The following CNTNAP2 variants were observed in gnomAD, a reference collection of about 807,000 sequenced individuals.
CNTNAP2 encodes the protein contactin associated protein 2.
A neutral mutation model predicts 155.2 loss-of-function variants in CNTNAP2; 98 were observed. That is an observed-to-expected ratio of 0.63 (90% CI 0.54 to 0.75). The LOEUF (loss-of-function observed/expected upper bound fraction) is 0.75. Ranked by LOEUF, CNTNAP2 falls within the 30% of genes least tolerant of loss-of-function variation. The probability of loss-of-function intolerance (pLI) is 0.00; values close to 1 mark genes in which losing one functional copy is unlikely to be tolerated. For synonymous variants in CNTNAP2, 651 were observed against 631.2 expected, an observed-to-expected ratio of 1.03 and a Z score of -0.47; for missense variants, 1,727 against 1,688.1, an observed-to-expected ratio of 1.02 and a Z score of -0.40.
intron 4 of CNTNAP2, among the ~76,000 whole-genome samples, chr7:147,083,856 T>C (rs184972537): frequency 4.3e-5 from 6 of 141,060 alleles, no homozygotes; most frequent in African/African-American, 1.3e-4. Context: ...TATATACATA[T>C]ACACATGTAT....
chr7:147,481,477 A>C (rs1798422020), intron 10 of CNTNAP2, among the ~76,000 whole-genome samples: 1 of 152,218 alleles, frequency 6.6e-6, no homozygotes, highest in African/African-American at 2.4e-5. Context: ...CCCTGGATTG[A>C]ATTGCAACAT....
At chr7:148,379,345 A>T (rs1215824329) in intron 21 of CNTNAP2, among the ~76,000 whole-genome samples, 1 of 152,162 alleles carries the variant, frequency 6.6e-6, no homozygotes, top group East Asian at 1.9e-4. Context: ...CACAAGAAGA[A>T]GATATAGGTG....
chr7:146,489,266 A>T (rs534022632), intron 1 of CNTNAP2, among the ~76,000 whole-genome samples: 1 of 152,298 alleles, frequency 6.6e-6, no homozygotes, highest in South Asian at 2.1e-4. Flanking sequence ...TGCCTTCATG[A>T]TCCTCAGTCT....
At chr7:147,605,173 C>T (rs1801037006) in intron 12 of CNTNAP2, among the ~76,000 whole-genome samples, 1 of 152,108 alleles carries the variant, frequency 6.6e-6, no homozygotes, top group Admixed American at 6.6e-5. Flanking sequence ...GATCATTTAG[C>T]ATTAATTATT....
intron 18 of CNTNAP2, among the ~76,000 whole-genome samples, chr7:148,208,371 C>T (rs972068362): frequency 6.6e-6 from 1 of 152,074 alleles, no homozygotes; most frequent in African/African-American, 2.4e-5. Flanking sequence ...AAGAACAAGG[C>T]GGAGTTTCCC....
At position 146,454,181 on chromosome 7, in the gene CNTNAP2, T is replaced by G. The variant is rs187474369; in HGVS notation, c.98-320090T>G. Reference sequence around the variant, plus strand: ...ATAGTGACATACACAAAATGGCTGCTTATTCTATACTAGTAGATTCATTTT... The same window carrying G: ...ATAGTGACATACACAAAATGGCTGCGTATTCTATACTAGTAGATTCATTTT... On this transcript the variant is annotated intron_variant, in intron 1 of 23. Transcript: ENST00000361727. Among the ~76,000 whole-genome samples the G allele has an allele frequency of 3.0e-4, 45 of 152,344 alleles. 1 individual carries two copies. The highest frequency in any genetic ancestry group is 2.9e-3 in the Admixed American group (45 of 15,302).
At chr7:147,235,345 G>GGGGT (rs374435627) in intron 8 of CNTNAP2, among the ~76,000 whole-genome samples, 7 of 140,974 alleles carry the variant, frequency 5.0e-5, no homozygotes, top group African/African-American at 1.1e-4. Context: ...TGGAGTTTTT[G>GGGGT]GTGTGTGTGT....
At chr7:147,298,215 G>A (rs1794873504) in intron 8 of CNTNAP2, among the ~76,000 whole-genome samples, 1 of 152,026 alleles carries the variant, frequency 6.6e-6, no homozygotes, top group East Asian at 1.9e-4. Flanking sequence ...GATCACTTGA[G>A]GTCAGGAGTT....
intron 3 of CNTNAP2, among the ~76,000 whole-genome samples, chr7:146,927,503 A>G (rs1001322137): frequency 6.7e-5 from 10 of 149,716 alleles, no homozygotes; most frequent in African/African-American, 2.6e-4. Flanking sequence ...GATTAACTTT[A>G]AAACATAATG....
intron 7 of CNTNAP2, among the ~76,000 whole-genome samples, chr7:147,131,150 A>C (rs1315973289): frequency 6.7e-6 from 1 of 149,024 alleles, no homozygotes; most frequent in African/African-American, 2.5e-5. Context: ...ATATACATGT[A>C]CCATATACAT....
At position 148,394,613 on chromosome 7, in the gene CNTNAP2, T is replaced by C. The variant is rs568063314; in HGVS notation, c.3715+10725T>C. Among the ~76,000 whole-genome samples, 15 of 152,350 alleles carry C rather than the reference T, an allele frequency of 9.8e-5. No homozygotes were observed. The South Asian group carries it at 2.9e-3, about 29-fold the overall frequency. ...TACCTGGTGATGCCCAGTTACACCA[T>C]GCGTGTCTTCTCCATCTCTCTCCAA... On this transcript the variant is annotated intron_variant, in intron 22 of 23. Coordinates refer to ENST00000361727, the MANE Select transcript of CNTNAP2 (RefSeq NM_014141.6).
At chr7:146,926,072 A>G (rs1292161843) in intron 3 of CNTNAP2, among the ~76,000 whole-genome samples, 2 of 152,158 alleles carry the variant, frequency 1.3e-5, no homozygotes, top group East Asian at 3.9e-4. Context: ...GATTGGAGAT[A>G]ATAATACTCA....
At chr7:147,693,811 T>C (rs912518084) in intron 13 of CNTNAP2, among the ~76,000 whole-genome samples, 1 of 152,046 alleles carries the variant, frequency 6.6e-6, no homozygotes, top group African/African-American at 2.4e-5. Flanking sequence ...TATTTCTTCC[T>C]CTCCAATATG....
chr7:146,210,759 T>G (rs961931708), intron 1 of CNTNAP2, among the ~76,000 whole-genome samples: 1 of 152,150 alleles, frequency 6.6e-6, no homozygotes, highest in Non-Finnish European at 1.5e-5. Flanking sequence ...ACCAGAGTAC[T>G]TTGGTCTAAT....
chr7:146,626,078 G>A (rs1021773904), intron 1 of CNTNAP2, among the ~76,000 whole-genome samples: 3 of 152,028 alleles, frequency 2.0e-5, no homozygotes, highest in Non-Finnish European at 4.4e-5. Flanking sequence ...CTTCAAACTT[G>A]TGATACTTAT....
At chr7:146,267,772 A>G (rs925397578) in intron 1 of CNTNAP2, among the ~76,000 whole-genome samples, 1 of 152,224 alleles carries the variant, frequency 6.6e-6, no homozygotes, top group Non-Finnish European at 1.5e-5. Flanking sequence ...AGTCTACAGT[A>G]TTTTGTTATA....
chr7:147,259,086 T>A (rs1210346505), intron 8 of CNTNAP2, among the ~76,000 whole-genome samples: 1 of 152,216 alleles, frequency 6.6e-6, no homozygotes, highest in Non-Finnish European at 1.5e-5. Context: ...TTCCTTCCAG[T>A]GTGCGTTATG....
intron 15 of CNTNAP2, among the ~76,000 whole-genome samples, chr7:148,073,347 G>C (rs1462386970): frequency 6.6e-6 from 1 of 152,140 alleles, no homozygotes; most frequent in Non-Finnish European, 1.5e-5. Context: ...TCAGTTACCA[G>C]AGATCAACCA....
At chr7:147,284,607 T>A (rs1425659443) in intron 8 of CNTNAP2, among the ~76,000 whole-genome samples, 1 of 151,942 alleles carries the variant, frequency 6.6e-6, no homozygotes, top group East Asian at 1.9e-4. Flanking sequence ...CAAATGCCTA[T>A]CACATTTAGT....
Sources: gnomAD v4.1 joint callset for allele counts (sites outside exome capture counted in the v4.1 genomes callset) on GRCh38, gnomAD v4.1.1 for gene constraint, MANE v1.5 for transcripts, NCBI Gene and HGNC (gene_info 2026-07-23, HGNC 2026-07-21) for gene names.